The following SMYD3 variants were observed in gnomAD, a reference collection of about 807,000 sequenced individuals.
SMYD3 encodes histone-lysine N-methyltransferase SMYD3.
A neutral mutation model predicts 57.7 loss-of-function variants in SMYD3; 36 were observed. That is an observed-to-expected ratio of 0.62 (90% confidence interval 0.48 to 0.82). The LOEUF (loss-of-function observed/expected upper bound fraction) is 0.82. Ranked by LOEUF, SMYD3 falls within the 40% of genes least tolerant of loss-of-function variation. SMYD3 has a pLI of 0.00. For missense variants in SMYD3, 515 were observed against 538.8 expected (o/e 0.96, Z 0.44); for synonymous variants, 211 against 195.0 (o/e 1.08, Z -0.68).
At chr1:246,051,839 G>A (rs1421383619) in intron 5 of SMYD3, among the ~76,000 whole-genome samples, 3 of 152,122 alleles carry the variant, frequency 2.0e-5, no homozygotes, top group Non-Finnish European at 2.9e-5. Flanking sequence ...GAAACTGTAT[G>A]CTTACAAAAA....
chr1:246,141,480 G>T (rs1202943221), intron 5 of SMYD3, among the ~76,000 whole-genome samples: 1 of 146,234 alleles, frequency 6.8e-6, no homozygotes, highest in Non-Finnish European at 1.5e-5. Flanking sequence ...GACAGATGGT[G>T]CATTCCTATG....
chr1:246,166,422 T>C (rs1008902350), intron 5 of SMYD3, among the ~76,000 whole-genome samples: 2 of 152,228 alleles, frequency 1.3e-5, no homozygotes, highest in Non-Finnish European at 2.9e-5. Flanking sequence ...TGAGCACACA[T>C]GTAAGTCTGG....
chr1:245,776,712 T>C (rs2817487), intron 10 of SMYD3, among the ~76,000 whole-genome samples: 77,890 of 152,102 alleles, frequency 0.51, 23,869 homozygotes, highest in East Asian at 0.88. Context: ...GAAGCAGAGA[T>C]GTTCTCTTCT....
intron 5 of SMYD3, among the ~76,000 whole-genome samples, chr1:246,056,701 T>G (rs1371325039): frequency 6.6e-6 from 1 of 152,038 alleles, no homozygotes; most frequent in African/African-American, 2.4e-5. Context: ...TTACCCTGAT[T>G]TGATCATTAT....
chr1:246,274,524 T>G (rs2064291327), intron 5 of SMYD3, among the ~76,000 whole-genome samples: 1 of 152,196 alleles, frequency 6.6e-6, no homozygotes, highest in Admixed American at 6.5e-5. Context: ...TTTTGTGCTT[T>G]AAAATAGCTA....
At chr1:246,311,018 T>C (rs972000375) in intron 5 of SMYD3, among the ~76,000 whole-genome samples, 1 of 152,110 alleles carries the variant, frequency 6.6e-6, no homozygotes, top group Non-Finnish European at 1.5e-5. Context: ...AGACTGTTAG[T>C]AAATATGTGA....
chr1:246,165,170 A>G (rs952500969), intron 5 of SMYD3, among the ~76,000 whole-genome samples: 2 of 152,258 alleles, frequency 1.3e-5, no homozygotes, highest in Admixed American at 1.3e-4. Flanking sequence ...ATTGCTGCTC[A>G]TCGCAACTAC....
intron 8 of SMYD3, among the ~76,000 whole-genome samples, chr1:245,866,259 G>A (rs1331137452): frequency 4.6e-5 from 7 of 152,166 alleles, no homozygotes; most frequent in Non-Finnish European, 8.8e-5. Context: ...GAGGAGATAG[G>A]AGCACTTGTG....
intron 5 of SMYD3, among the ~76,000 whole-genome samples, chr1:246,207,698 T>C (rs937614698): frequency 5.9e-5 from 9 of 152,090 alleles, no homozygotes; most frequent in Non-Finnish European, 1.2e-4. Context: ...ATAACAACGA[T>C]GGGATATGAA....
In SMYD3 at chr1:246,275,630, A is replaced by T. The variant is rs940391099; in HGVS notation, c.531+51571T>A. ...AACTGTTTTTTCACTAGCCGTATTA[A>T]CACTGGCAAGTTATTTAATGCCTCT... is the stretch of plus-strand genomic sequence containing the variant. On this transcript the variant is annotated intron_variant, in intron 5 of 11. Coordinates refer to ENST00000490107, the MANE Select transcript of SMYD3 (RefSeq NM_001167740.2). 2.1e-5 allele frequency among the ~76,000 whole-genome samples: 3 copies of T among 142,880 alleles called. 1 individual carries two copies. The highest frequency in any genetic ancestry group is 7.8e-5 in the African/African-American group (3 of 38,692). The allele number at this position is 142,880 out of a possible 152,430, so 93.7% of individuals were successfully genotyped here.
intron 5 of SMYD3, among the ~76,000 whole-genome samples, chr1:246,152,255 A>G (rs2061952144): frequency 6.6e-6 from 1 of 152,196 alleles, no homozygotes; most frequent in Admixed American, 6.5e-5. Flanking sequence ...AGCAGGGATG[A>G]CGATGTAGAG....
chr1:246,001,152 C>G (rs2059035602), intron 5 of SMYD3, among the ~76,000 whole-genome samples: 1 of 152,182 alleles, frequency 6.6e-6, no homozygotes, highest in Admixed American at 6.5e-5. Flanking sequence ...TATTTAGGAT[C>G]CTATCGGGCT....
chr1:245,790,272 C>T (rs761798588), intron 10 of SMYD3, among the ~76,000 whole-genome samples: 14 of 152,232 alleles, frequency 9.2e-5, no homozygotes, highest in Admixed American at 7.2e-4. Context: ...GAGAATTCAA[C>T]GAACTGATGG....
chr1:246,140,259 C>T (rs7515622), intron 5 of SMYD3, among the ~76,000 whole-genome samples: 76,260 of 152,062 alleles, frequency 0.5, 22,968 homozygotes, highest in Non-Finnish European at 0.69. Flanking sequence ...CCAGCTCCAC[C>T]GCTTTGGATG....
At chr1:245,996,123 T>C (rs4654183) in intron 5 of SMYD3, among the ~76,000 whole-genome samples, 121,628 of 152,214 alleles carry the variant, frequency 0.8, 50,287 homozygotes, top group Non-Finnish European at 0.89. Flanking sequence ...TCTTGTTTAA[T>C]TTCATAAATA....
intron 5 of SMYD3, among the ~76,000 whole-genome samples, chr1:246,054,201 A>G (rs1031841627): frequency 2.6e-5 from 4 of 152,226 alleles, no homozygotes; most frequent in Admixed American, 6.5e-5. Context: ...AGAAATGGGA[A>G]TTAAAACCAC....
At chr1:245,992,295 G>T (rs12143605) in intron 5 of SMYD3, among the ~76,000 whole-genome samples, 1 of 143,562 alleles carries the variant, frequency 7.0e-6, no homozygotes, top group African/African-American at 2.5e-5. Context: ...CCTCAGAAAC[G>T]GCCTGCCGTC....
At chr1:245,808,965 G>A (rs1255589246) in intron 10 of SMYD3, among the ~76,000 whole-genome samples, 1 of 152,148 alleles carries the variant, frequency 6.6e-6, no homozygotes, top group Non-Finnish European at 1.5e-5. Flanking sequence ...GTTTCACCAT[G>A]TTGGCCAGGC....
At chr1:246,177,442 T>C (rs1419857089) in intron 5 of SMYD3, among the ~76,000 whole-genome samples, 1 of 152,052 alleles carries the variant, frequency 6.6e-6, no homozygotes, top group African/African-American at 2.4e-5. Context: ...ACTGAATAAA[T>C]AAAAGCAATT....
Sources: gnomAD v4.1 joint callset for allele counts (sites outside exome capture counted in the v4.1 genomes callset) on GRCh38, gnomAD v4.1.1 for gene constraint, MANE v1.5 for transcripts, NCBI Gene and HGNC (gene_info 2026-07-23, HGNC 2026-07-21) for gene names.